Variants in NEGR1 observed in about 807,000 individuals in gnomAD.
NEGR1 encodes neuronal growth regulator 1, also known as IgLON family member 4.
NEGR1 carries 10 observed loss-of-function variants against 40.9 expected under a neutral mutation model. The observed-to-expected ratio is 0.24, with a 90% CI of 0.15 to 0.42. NEGR1 has a LOEUF of 0.42. Ranked by LOEUF, NEGR1 falls within the 10% of genes least tolerant of loss-of-function variation. The pLI is 1.00. For synonymous variants in NEGR1, 185 were observed against 166.8 expected, an observed-to-expected ratio of 1.11 and a Z score of -0.84; for missense variants, 352 against 438.9, an observed-to-expected ratio of 0.80 and a Z score of 1.77.
At chr1:71,940,607 T>G (rs1645949706) in intron 1 of NEGR1, among the ~76,000 whole-genome samples, 1 of 152,206 alleles carries the variant, frequency 6.6e-6, no homozygotes, top group Admixed American at 6.5e-5. Context: ...TAAATTCTTT[T>G]TAGGGGCCCC....
chr1:71,530,040 T>C (rs1034456333), intron 6 of NEGR1, among the ~76,000 whole-genome samples: 7 of 151,330 alleles, frequency 4.6e-5, no homozygotes, highest in South Asian at 4.1e-4. Context: ...CTTCAATCTA[T>C]TTTCAGTGTG....
chr1:71,500,950 C>T (rs1053852737), intron 6 of NEGR1, among the ~76,000 whole-genome samples: 4 of 151,854 alleles, frequency 2.6e-5, no homozygotes, highest in South Asian at 2.1e-4. Flanking sequence ...ATTGACTCCA[C>T]GAATGCAGAA....
At chr1:72,156,337 C>T (rs529662063) in intron 1 of NEGR1, among the ~76,000 whole-genome samples, 48 of 152,228 alleles carry the variant, frequency 3.2e-4, no homozygotes, top group Non-Finnish European at 5.9e-4. Flanking sequence ...GTCAACAAGG[C>T]TACCAGCTCC....
At chr1:71,662,558 G>T (rs1003303895) in intron 4 of NEGR1, among the ~76,000 whole-genome samples, 1 of 152,040 alleles carries the variant, frequency 6.6e-6, no homozygotes, top group Admixed American at 6.6e-5. Context: ...GCCTGAAAAA[G>T]AGTATTATTA....
chr1:71,587,272 G>A (rs1332759636), intron 6 of NEGR1, among the ~76,000 whole-genome samples: 1 of 152,124 alleles, frequency 6.6e-6, no homozygotes, highest in African/African-American at 2.4e-5. Context: ...CAACAAATCA[G>A]TTGAAAGGTA....
intron 1 of NEGR1, among the ~76,000 whole-genome samples, chr1:71,954,857 T>C (rs1646106074): frequency 2.0e-5 from 3 of 152,078 alleles, no homozygotes; most frequent in Admixed American, 1.3e-4. Flanking sequence ...TATGATCAAA[T>C]AACAATTACC....
intron 1 of NEGR1, among the ~76,000 whole-genome samples, chr1:71,942,503 T>A (rs1274180773): frequency 0.018 from 851 of 48,282 alleles, 40 homozygotes; most frequent in African/African-American, 0.068. Flanking sequence ...TTTTTTTTTT[T>A]TTTTTTTTTT....
At chr1:71,500,312 T>C (rs995083770) in intron 6 of NEGR1, among the ~76,000 whole-genome samples, 6 of 152,052 alleles carry the variant, frequency 3.9e-5, no homozygotes, top group East Asian at 1.9e-4. Flanking sequence ...TAATGACCTA[T>C]AGAATCATCT....
At chr1:72,199,434 A>G (rs1036109657) in intron 1 of NEGR1, among the ~76,000 whole-genome samples, 6 of 152,026 alleles carry the variant, frequency 3.9e-5, no homozygotes, top group African/African-American at 7.2e-5. Flanking sequence ...CACAAAGCTA[A>G]TAAGTGGAGA....
chr1:71,903,025 C>A (rs1015855440), intron 2 of NEGR1, among the ~76,000 whole-genome samples: 1 of 149,208 alleles, frequency 6.7e-6, no homozygotes, highest in African/African-American at 2.5e-5. Flanking sequence ...ATTAATTTCC[C>A]AAAGTTTTAA....
At chr1:71,532,135 T>G (rs1647376678) in intron 6 of NEGR1, among the ~76,000 whole-genome samples, 1 of 151,554 alleles carries the variant, frequency 6.6e-6, no homozygotes, top group Admixed American at 6.6e-5. Context: ...CACTTTCTTC[T>G]TTAAATAGCC....
chr1:71,645,085 C>T (rs1023905310), intron 4 of NEGR1, among the ~76,000 whole-genome samples: 4 of 151,792 alleles, frequency 2.6e-5, no homozygotes, highest in Admixed American at 2.0e-4. Context: ...TTTTTTCCAC[C>T]CTCAAACTCA....
At chr1:71,711,759 T>C (rs1654100314) in intron 3 of NEGR1, among the ~76,000 whole-genome samples, 1 of 152,244 alleles carries the variant, frequency 6.6e-6, no homozygotes. Context: ...TGAAAGATTA[T>C]GCTACATTCA....
chr1:71,863,158 T>C (rs1173626141), intron 2 of NEGR1, among the ~76,000 whole-genome samples: 3 of 152,174 alleles, frequency 2.0e-5, no homozygotes, highest in African/African-American at 4.8e-5. Context: ...CATATGTTCA[T>C]TGCAGCATTA....
Position 71,983,151 on chromosome 1 carries a change from C to A in NEGR1, c.177-47840G>T, listed in dbSNP as rs1451970865. Among the ~76,000 whole-genome samples, 5 of 152,182 alleles carry A rather than the reference C, an allele frequency of 3.3e-5. No homozygotes were observed. In the South Asian group the frequency reaches 1.0e-3, roughly 32 times the overall value. ...TTTGTCAGTCATTTAGAGCACTTTGCAGTTGAAATTATTTTGCCTGTTTGT... is the reference window on the plus strand; with the variant it reads ...TTTGTCAGTCATTTAGAGCACTTTGAAGTTGAAATTATTTTGCCTGTTTGT... On this transcript the variant is annotated intron_variant, in intron 1 of 6. Coordinates refer to ENST00000357731, the MANE Select transcript of NEGR1 (RefSeq NM_173808.3).
At chr1:71,485,848 A>C (rs1569932944) in intron 6 of NEGR1, among the ~76,000 whole-genome samples, 2 of 151,852 alleles carry the variant, frequency 1.3e-5, no homozygotes, top group South Asian at 4.1e-4. Context: ...ACTGAAAGAC[A>C]TCTTGGTTGC....
At chr1:71,968,159 T>C (rs916326447) in intron 1 of NEGR1, among the ~76,000 whole-genome samples, 17 of 152,146 alleles carry the variant, frequency 1.1e-4, no homozygotes, top group Admixed American at 9.8e-4. Flanking sequence ...CCTTCAGAAA[T>C]GTAAATCTGT....
intron 2 of NEGR1, among the ~76,000 whole-genome samples, chr1:71,884,559 C>A (rs548625554): frequency 1.9e-4 from 29 of 152,188 alleles, no homozygotes; most frequent in Non-Finnish European, 3.7e-4. Context: ...ATTCATCTAA[C>A]TTAAACTCAA....
At chr1:72,222,995 T>C (rs545672538) in intron 1 of NEGR1, among the ~76,000 whole-genome samples, 5 of 152,306 alleles carry the variant, frequency 3.3e-5, no homozygotes, top group African/African-American at 7.2e-5. Flanking sequence ...GGAGCCACTA[T>C]GTTGTGCCTA....
Sources: gnomAD v4.1 joint callset for allele counts (sites outside exome capture counted in the v4.1 genomes callset) on GRCh38, gnomAD v4.1.1 for gene constraint, MANE v1.5 for transcripts, NCBI Gene and HGNC (gene_info 2026-07-23, HGNC 2026-07-21) for gene names.